GRID1: variants seen among roughly 807,000 people sequenced by gnomAD.
The protein encoded by GRID1 is glutamate receptor ionotropic, delta-1.
GRID1 carries 28 observed loss-of-function variants against 98.0 expected under a neutral mutation model. That is an observed-to-expected ratio of 0.29 (90% confidence interval 0.21 to 0.39). The LOEUF (loss-of-function observed/expected upper bound fraction) is 0.39. Among genes scored for constraint, GRID1 ranks in the 10% least tolerant of loss-of-function variants. GRID1 has a pLI of 1.00. For synonymous variants in GRID1, 553 were observed against 538.5 expected (o/e 1.03, Z -0.37); for missense variants, 1,111 against 1,340.5 (o/e 0.83, Z 2.67).
intron 4 of GRID1, among the ~76,000 whole-genome samples, chr10:86,076,435 T>C (rs1268523567): frequency 6.6e-6 from 1 of 152,176 alleles, no homozygotes; most frequent in African/African-American, 2.4e-5. Context: ...TCAGCAACAG[T>C]CTGGCCAAAC....
chr10:85,804,412 G>T lies in GRID1; in HGVS notation c.1233+50084C>A, dbSNP rs1318246634. ...AAAGCCTCATACAAAGAAAATACAG[G>T]TCTACATGGCTTTACACAACCATAT... On this transcript the variant is annotated intron_variant, in intron 8 of 15. Coordinates refer to ENST00000327946, the MANE Select transcript of GRID1 (RefSeq NM_017551.3). 5.3e-5 allele frequency among the ~76,000 whole-genome samples: 8 copies of T among 151,852 alleles called. No homozygotes were observed. The East Asian group carries it at 1.5e-3, about 29-fold the overall frequency.
intron 15 of GRID1, among the ~76,000 whole-genome samples, chr10:85,611,579 C>T (rs772240618): frequency 5.1e-4 from 77 of 152,168 alleles, no homozygotes; most frequent in Admixed American, 1.2e-3. Context: ...CAACACGGAG[C>T]GGGTGCAACG....
chr10:86,072,860 T>C (rs1015429029), intron 4 of GRID1, among the ~76,000 whole-genome samples: 1 of 152,366 alleles, frequency 6.6e-6, no homozygotes, highest in Non-Finnish European at 1.5e-5. Context: ...GGTGCCTGTA[T>C]AGCACACGCT....
At chr10:85,896,291 T>C (rs539517072) in intron 5 of GRID1, among the ~76,000 whole-genome samples, 1 of 152,194 alleles carries the variant, frequency 6.6e-6, no homozygotes, top group African/African-American at 2.4e-5. Flanking sequence ...AACTTTTACT[T>C]GGCTTGATGC....
chr10:86,092,922 C>T (rs550635994), intron 4 of GRID1, among the ~76,000 whole-genome samples: 14 of 152,186 alleles, frequency 9.2e-5, no homozygotes, highest in South Asian at 4.2e-4. Context: ...ATCCAGCAAC[C>T]GCAGAATACA....
intron 2 of GRID1, among the ~76,000 whole-genome samples, chr10:86,306,190 T>C (rs1223049844): frequency 6.6e-6 from 1 of 152,136 alleles, no homozygotes; most frequent in East Asian, 1.9e-4. Context: ...CTCCAGATCT[T>C]AAAAGAAAGA....
chr10:86,169,206 C>A (rs188377784), intron 3 of GRID1, among the ~76,000 whole-genome samples: 80 of 152,282 alleles, frequency 5.3e-4, no homozygotes, highest in African/African-American at 1.8e-3. Flanking sequence ...GGAAACACTG[C>A]CCTGAGATAG....
intron 2 of GRID1, among the ~76,000 whole-genome samples, chr10:86,257,334 G>T (rs1364621995): frequency 2.6e-5 from 4 of 152,206 alleles, no homozygotes; most frequent in Non-Finnish European, 5.9e-5. Context: ...AGAGGATATT[G>T]ATTGCTACTG....
intron 8 of GRID1, among the ~76,000 whole-genome samples, chr10:85,804,892 A>G (rs138324420): frequency 1.5e-3 from 234 of 151,900 alleles, no homozygotes; most frequent in African/African-American, 5.1e-3. Flanking sequence ...GTTTGGGGAC[A>G]AGGATGTCAG....
rs7071866 is a variant in GRID1 at position 86,237,483 on chromosome 10, G to A, written c.236-30835C>T. On this transcript the variant is annotated intron_variant, in intron 2 of 15. Transcript: ENST00000327946. ...TTGGAGGCCAAGGCGGGTGGATCAC[G>A]AGGTCAGGAGTTCAAGACCAGCCTG... Among the ~76,000 whole-genome samples, 612 of 152,222 alleles carry A rather than the reference G, an allele frequency of 4.0e-3. 1 individual carries two copies. Among genetic ancestry groups the A allele is most frequent in the African/African-American group, 0.011 (473 of 41,522 alleles).
intron 8 of GRID1, among the ~76,000 whole-genome samples, chr10:85,741,918 T>C (rs1481584309): frequency 6.6e-6 from 1 of 152,144 alleles, no homozygotes; most frequent in Non-Finnish European, 1.5e-5. Flanking sequence ...TCCCAATAAA[T>C]CTTATCTCTG....
chr10:85,699,005 T>C (rs1381961034), intron 12 of GRID1, among the ~76,000 whole-genome samples: 1 of 152,158 alleles, frequency 6.6e-6, no homozygotes, highest in African/African-American at 2.4e-5. Context: ...ATTTTTTTCA[T>C]AGTTGAATTT....
intron 2 of GRID1, among the ~76,000 whole-genome samples, chr10:86,227,293 T>C (rs1386928987): frequency 6.6e-6 from 1 of 152,186 alleles, no homozygotes; most frequent in East Asian, 1.9e-4. Context: ...TGGTGGGTCA[T>C]AGGCACTGAG....
chr10:85,877,714 C>G (rs1173016784), intron 5 of GRID1, among the ~76,000 whole-genome samples: 1 of 152,202 alleles, frequency 6.6e-6, no homozygotes, highest in African/African-American at 2.4e-5. Flanking sequence ...AGCAGAGCAC[C>G]TCTCCTCCTC....
intron 4 of GRID1, among the ~76,000 whole-genome samples, chr10:85,959,497 C>T (rs192628000): frequency 6.6e-6 from 1 of 152,318 alleles, no homozygotes; most frequent in African/African-American, 2.4e-5. Context: ...TTCCATCATC[C>T]AGGAGAGTTC....
At chr10:86,292,971 A>G (rs536718679) in intron 2 of GRID1, among the ~76,000 whole-genome samples, 1 of 152,080 alleles carries the variant, frequency 6.6e-6, no homozygotes, top group African/African-American at 2.4e-5. Flanking sequence ...AAGAAAGCCA[A>G]CTGGGCCTGG....
intron 2 of GRID1, among the ~76,000 whole-genome samples, chr10:86,344,682 A>G (rs1848357915): frequency 6.6e-6 from 1 of 152,176 alleles, no homozygotes. Flanking sequence ...CCTGAATTTT[A>G]CCATTAGGTC....
chr10:85,807,821 A>G (rs1842636415), intron 8 of GRID1, among the ~76,000 whole-genome samples: 1 of 152,182 alleles, frequency 6.6e-6, no homozygotes, highest in African/African-American at 2.4e-5. Context: ...AGATATTATA[A>G]GTTGATTTTT....
chr10:86,215,591 G>A (rs1466133512), intron 2 of GRID1, among the ~76,000 whole-genome samples: 1 of 152,094 alleles, frequency 6.6e-6, no homozygotes, highest in East Asian at 1.9e-4. Flanking sequence ...GGGCATGCCT[G>A]CAGGGAGCGT....
Sources: allele counts gnomAD v4.1 joint callset (sites outside exome capture counted in the v4.1 genomes callset), GRCh38; gene constraint gnomAD v4.1.1; transcripts MANE v1.5; gene names NCBI Gene and HGNC (gene_info 2026-07-23, HGNC 2026-07-21).